The following COQ8B variants were observed in gnomAD, a reference collection of about 807,000 sequenced individuals.
The protein encoded by COQ8B is coenzyme Q8B, also known as atypical kinase COQ8B, mitochondrial.
In COQ8B, 44 loss-of-function variants were observed where a neutral mutation model predicts 62.0. The ratio of observed to expected loss-of-function variants is 0.71; its 90% CI spans 0.56 to 0.91. The LOEUF (loss-of-function observed/expected upper bound fraction) is 0.91, where lower values mean the gene tolerates loss of function less well. COQ8B is among the 40% of genes least tolerant of loss of function. The pLI, the probability that COQ8B is intolerant of heterozygous loss-of-function variation, is 0.00. For synonymous variants in COQ8B, 252 were observed against 289.9 expected, an observed-to-expected ratio of 0.87 and a Z score of 1.33; for missense variants, 649 against 731.6, an observed-to-expected ratio of 0.89 and a Z score of 1.30.
chr19:40,697,847 T>TAGAGAGAGAGAGAGAGAGAGAGAG (rs1349238558), intron 12 of COQ8B, among the ~76,000 whole-genome samples: 3 of 56,892 alleles, frequency 5.3e-5, no homozygotes, highest in African/African-American at 8.4e-5. Context: ...TATATATATA[T>TAGAGAGAGAGAGAGAGAGAGAGAG]ATATAGAGAG....
At chr19:40,694,050 G>T (rs1387767479) in intron 13 of COQ8B, among the ~76,000 whole-genome samples, 5 of 152,226 alleles carry the variant, frequency 3.3e-5, no homozygotes, top group Admixed American at 6.5e-5. Flanking sequence ...TGGGAGGGGA[G>T]GGTGTCAGTG....
rs2082097643 is a variant in COQ8B, at chr19:40,705,935, A to G, written c.368-488T>C. Among the ~76,000 whole-genome samples the G allele has an allele frequency of 2.6e-5, 4 of 151,498 alleles. No homozygotes were observed. The South Asian group carries it at 6.2e-4, about 24-fold the overall frequency. ...ACCAAGCAATACCCTGTCTCGGGAA[A>G]AAAAAAAAAAAAAGAAAAGAAAGAA... On this transcript the variant is annotated intron_variant, in intron 5 of 14. Transcript: ENST00000324464.
At chr19:40,705,526 C>A in intron 5 of COQ8B, 79 bp from the exon 6 acceptor site, 1 of 1,430,534 alleles carries the variant, frequency 7.0e-7, no homozygotes, top group Non-Finnish European at 9.2e-7. Context: ...CGCCTGTAAT[C>A]CCAGCACTTT....
At chr19:40,699,160 C>T (rs2082042019) in intron 12 of COQ8B, among the ~76,000 whole-genome samples, 1 of 151,662 alleles carries the variant, frequency 6.6e-6, no homozygotes, top group African/African-American at 2.4e-5. Context: ...CAGAGTCTCG[C>T]CCTGTCACCC....
intron 4 of COQ8B, among the ~76,000 whole-genome samples, chr19:40,712,850 G>T (rs1229089075): frequency 1.3e-5 from 2 of 152,128 alleles, no homozygotes; most frequent in African/African-American, 4.8e-5. Flanking sequence ...CCTCATGTAC[G>T]GAATAGAACA....
At chr19:40,713,924 G>T in intron 4 of COQ8B, 143 bp downstream of exon 4, 3 of 785,036 alleles carry the variant, frequency 3.8e-6, no homozygotes, top group Non-Finnish European at 6.1e-6. Context: ...GATTTCTCTT[G>T]GCCTTGCAGG....
rs756424545 is a variant in COQ8B, at chr19:40,700,373, C to G, written c.972G>C (p.Met324Ile). Residue 324 changes from methionine to isoleucine, a missense_variant, in exon 11 of 15, where the codon ATG becomes ATC. Coordinates refer to ENST00000324464, the MANE Select transcript of COQ8B (RefSeq NM_024876.4). The part of the protein sequence containing the change: ...KELCTTRVLG[M>I]ELAGGVPLDQ... ...CCAGGGGGACCCCTCCAGCCAGCTC[C>G]ATGCCCAGCACCCGTGTCGTGCACA... 2 of 1,614,218 alleles carry G rather than the reference C, an allele frequency of 1.2e-6. No individual in the cohort carries two copies. Among genetic ancestry groups the G allele is most frequent in the Non-Finnish European group, 1.7e-6 (2 of 1,180,036 alleles).
rs188489633 is a variant in COQ8B at position 40,710,900 on chromosome 19, G to A, written c.290-764C>T. On this transcript the variant is annotated intron_variant, in intron 4 of 14. Transcript: ENST00000324464. ...TGATCCCAGCACTTTGGGAGGCCGAGGTGGGCAGATCATCTGAAGTCAGGA... is the reference window on the plus strand; with the variant it reads ...TGATCCCAGCACTTTGGGAGGCCGAAGTGGGCAGATCATCTGAAGTCAGGA... Among the ~76,000 whole-genome samples the A allele has an allele frequency of 2.0e-3, 298 of 152,278 alleles. 5 individuals are homozygous for A. In the South Asian group the frequency reaches 0.021, roughly 11 times the overall value.
At chr19:40,700,231 C>T (rs1162221539) in intron 11 of COQ8B, 57 bp from the exon 12 acceptor site, 3 of 1,613,068 alleles carry the variant, frequency 1.9e-6, no homozygotes, top group Non-Finnish European at 2.5e-6. Context: ...GGTGCCACTG[C>T]TGGCCTGGAG....
intron 9 of COQ8B, 66 bp from the exon 10 acceptor site, chr19:40,702,759 C>T (rs2082070368): frequency 6.9e-7 from 1 of 1,453,260 alleles, no homozygotes; most frequent in Middle Eastern, 1.9e-4. Flanking sequence ...CTTCTCCTGC[C>T]AACCCTCTCT....
At chr19:40,701,616 T>C (rs116633974) in intron 10 of COQ8B, among the ~76,000 whole-genome samples, 55 of 152,308 alleles carry the variant, frequency 3.6e-4, no homozygotes, top group African/African-American at 1.3e-3. Context: ...ACCGGAGCCA[T>C]GTGGGGCATT....
At chr19:40,695,342 A>AAAAAAAAAGAAAAG (rs1213212467) in intron 13 of COQ8B, among the ~76,000 whole-genome samples, 1 of 151,688 alleles carries the variant, frequency 6.6e-6, no homozygotes, top group East Asian at 1.9e-4. Context: ...AAAAGAAAAG[A>AAAAAAAAAGAAAAG]AAAAAAAGGA....
In COQ8B at chr19:40,710,116, GCC is replaced by G. The variant is rs1255387501; in HGVS notation, c.308_309del (p.Gly103AlafsTer9). The G allele has an allele frequency of 6.2e-7, 1 of 1,614,068 alleles. No homozygotes were observed. The highest frequency in any genetic ancestry group is 1.7e-5 in the Admixed American group (1 of 60,008). On this transcript the variant is annotated frameshift_variant, in exon 5 of 15. Transcript: ENST00000324464. LOFTEE classifies it high-confidence loss of function. ...TTAGCCATCTCGGCCAGTACTCCTAGCCCCAAGCCCACAGCCAGTCCTGGAGT... is the reference window on the plus strand; with the variant it reads ...TTAGCCATCTCGGCCAGTACTCCTAGCCAAGCCCACAGCCAGTCCTGGAGT... ...ANFGGLAVGLGLGVLAEMAKK... is the reference protein window; with the variant it reads ...ANFGGLAVGLXLGVLAEMAKK...
intron 10 of COQ8B, 38 bp from the exon 11 acceptor site, chr19:40,700,489 T>C: frequency 6.2e-7 from 1 of 1,600,060 alleles, no homozygotes; most frequent in Non-Finnish European, 8.5e-7. Flanking sequence ...GACTTCGTGC[T>C]TCAGGCTTGT....
rs1169782943 is a variant in COQ8B, at chr19:40,716,635, G to A, written c.-52C>T. ...CATTTGCTCAGGGTAGCGGAGCTGG[G>A]AACTGGCAGAGGAAGGTCTCGAACC... On this transcript the variant is annotated 5_prime_UTR_variant, in exon 1 of 15. Transcript: ENST00000324464. 6.6e-6 allele frequency: 1 copy of A among 152,328 alleles called. No homozygotes were observed. The highest frequency in any genetic ancestry group is 2.4e-5 in the African/African-American group (1 of 41,460). The allele number at this position is 152,328 out of a possible 1,614,324, so 9.4% of individuals were successfully genotyped here.
rs202234463 is a variant in COQ8B, at chr19:40,697,874, A to AGAGAGAGAGAGAGAGAGAGAGAGAGAGT, written c.1144-1821_1144-1820insACTCTCTCTCTCTCTCTCTCTCTCTCTC. On this transcript the variant is annotated intron_variant, in intron 12 of 14. Transcript: ENST00000324464. ...TATAGAGAGAGAGAGAGAGAGAGAGAGAGTTTCTACTGGGCGTTCATGCAA... is the reference window on the plus strand; with the variant it reads ...TATAGAGAGAGAGAGAGAGAGAGAGAGAGAGAGAGAGAGAGAGAGAGAGAGAGTGAGTTTCTACTGGGCGTTCATGCAA... 7.4e-3 allele frequency among the ~76,000 whole-genome samples: 710 copies of AGAGAGAGAGAGAGAGAGAGAGAGAGAGT among 96,202 alleles called. 24 individuals carry two copies. The highest frequency in any genetic ancestry group is 0.012 in the Middle Eastern group (2 of 166). The allele number at this position is 96,202 out of a possible 152,430, so 63.1% of individuals were successfully genotyped here.
chr19:40,713,923 T>C (rs928776252), intron 4 of COQ8B, 144 bp downstream of exon 4: 10 of 818,200 alleles, frequency 1.2e-5, no homozygotes, highest in Non-Finnish European at 1.7e-5. Context: ...TGATTTCTCT[T>C]GGCCTTGCAG....
At chr19:40,707,651 C>T (rs1027855245) in intron 5 of COQ8B, among the ~76,000 whole-genome samples, 4 of 152,110 alleles carry the variant, frequency 2.6e-5, no homozygotes, top group East Asian at 1.9e-4. Flanking sequence ...ATCAGGATTT[C>T]GCCATATTGG....
At chr19:40,705,565 G>A in intron 5 of COQ8B, 118 bp from the exon 6 acceptor site, 1 of 1,139,670 alleles carries the variant, frequency 8.8e-7, no homozygotes, top group Non-Finnish European at 1.2e-6. Context: ...GAACACAGGA[G>A]TCTGAGACCA....
Sources: gnomAD v4.1 joint callset for allele counts (sites outside exome capture counted in the v4.1 genomes callset) on GRCh38, gnomAD v4.1.1 for gene constraint, MANE v1.5 for transcripts, NCBI Gene and HGNC (gene_info 2026-07-23, HGNC 2026-07-21) for gene names.